NNT: variants seen among roughly 807,000 people sequenced by gnomAD.
NNT encodes the protein NAD(P) transhydrogenase, mitochondrial.
Under a neutral mutation model 104.8 loss-of-function variants are expected in NNT, and 50 were observed. That is an observed-to-expected ratio of 0.48 (90% confidence interval 0.38 to 0.60). The LOEUF is 0.60. NNT is among the 20% of genes least tolerant of loss of function. The pLI is 0.00. For missense variants in NNT, 1,131 were observed against 1,330.7 expected, an observed-to-expected ratio of 0.85 and a Z score of 2.33; for synonymous variants, 461 against 490.4, an observed-to-expected ratio of 0.94 and a Z score of 0.79.
At chr5:43,650,342 G>GT (rs1739688838) in intron 11 of NNT, 135 bp from the exon 12 acceptor site, 1 of 569,734 alleles carries the variant, frequency 1.8e-6, no homozygotes, top group Non-Finnish European at 3.1e-6. Context: ...TAATGAGGGT[G>GT]TAAGAAAGCT....
At chr5:43,644,365 T>C in intron 8 of NNT, 40 bp downstream of exon 8, 1 of 1,594,478 alleles carries the variant, frequency 6.3e-7, no homozygotes, top group Non-Finnish European at 8.5e-7. Flanking sequence ...TCACTTCTCA[T>C]GTCTTGAGTT....
At position 43,655,980 on chromosome 5, in the gene NNT, G is replaced by A; in HGVS notation, c.2200G>A (p.Ala734Thr). The change falls in exon 15 of 22, where the codon GCA becomes ACA. Residue 734 changes from alanine to threonine, a missense_variant. By Grantham distance (58) the Ala-to-Thr change is moderately conservative (BLOSUM62 0). Coordinates refer to ENST00000344920, the MANE Select transcript of NNT (RefSeq NM_182977.3). Reference sequence around the variant, plus strand: ...ATATCCACATTTTGCTACGGATGCAGCAGCAAATCTCACCAAGATTGTGGC... The same window carrying A: ...ATATCCACATTTTGCTACGGATGCAACAGCAAATCTCACCAAGATTGTGGC... The part of the protein sequence containing the change: ...IEYPHFATDA[A>T]ANLTKIVAYL... 6.2e-7 allele frequency: 1 copy of A among 1,614,222 alleles called. No individual in the cohort carries two copies. The highest frequency in any genetic ancestry group is 8.5e-7 in the Non-Finnish European group (1 of 1,180,044).
At chr5:43,654,908 C>T (rs924771024) in intron 14 of NNT, among the ~76,000 whole-genome samples, 1 of 152,158 alleles carries the variant, frequency 6.6e-6, no homozygotes, top group Admixed American at 6.5e-5. Flanking sequence ...AATGTTTGCT[C>T]TGTAGGTTCA....
chr5:43,669,509 A>G (rs1274358671), intron 17 of NNT, among the ~76,000 whole-genome samples: 2 of 152,034 alleles, frequency 1.3e-5, no homozygotes, highest in African/African-American at 4.8e-5. Context: ...GAATTTTGTC[A>G]AAGGCCTTTT....
chr5:43,693,433 T>C (rs1471795498), intron 19 of NNT, among the ~76,000 whole-genome samples: 1 of 152,240 alleles, frequency 6.6e-6, no homozygotes, highest in African/African-American at 2.4e-5. Flanking sequence ...ATTTTCTTAT[T>C]GCTGCTGTAA....
intron 19 of NNT, among the ~76,000 whole-genome samples, chr5:43,699,072 A>T (rs1225186231): frequency 2.0e-5 from 3 of 152,012 alleles, no homozygotes; most frequent in African/African-American, 7.2e-5. Context: ...TGTGCCACAC[A>T]CTGTTCTTAG....
intron 19 of NNT, among the ~76,000 whole-genome samples, chr5:43,687,496 G>A (rs756881208): frequency 6.6e-6 from 1 of 152,062 alleles, no homozygotes; most frequent in Non-Finnish European, 1.5e-5. Flanking sequence ...ATACTTTGGG[G>A]ATTAGCCTGT....
chr5:43,680,899 G>A (rs181991118), intron 19 of NNT, among the ~76,000 whole-genome samples: 10 of 152,096 alleles, frequency 6.6e-5, no homozygotes, highest in Admixed American at 4.6e-4. Flanking sequence ...CAGATATTTT[G>A]TCTTTTTCCT....
chr5:43,677,600 T>A, intron 18 of NNT, 125 bp from the exon 19 acceptor site: 2 of 804,876 alleles, frequency 2.5e-6, no homozygotes, highest in Non-Finnish European at 4.0e-6. Context: ...TTGCTTTCAT[T>A]TCTAGTCCTG....
At chr5:43,624,437 T>C (rs1750257673) in intron 6 of NNT, among the ~76,000 whole-genome samples, 1 of 152,176 alleles carries the variant, frequency 6.6e-6, no homozygotes, top group African/African-American at 2.4e-5. Context: ...TAAACAAAGA[T>C]GTTTGTGAAT....
intron 1 of NNT, among the ~76,000 whole-genome samples, chr5:43,603,833 T>A (rs1419501740): frequency 6.6e-6 from 1 of 151,552 alleles, no homozygotes; most frequent in East Asian, 1.9e-4. Flanking sequence ...CGAGCACAAA[T>A]TGTGAGTGTG....
At chr5:43,608,967 G>A (rs528239553) in intron 1 of NNT, among the ~76,000 whole-genome samples, 176 bp from the exon 2 acceptor site, 12 of 152,266 alleles carry the variant, frequency 7.9e-5, no homozygotes, top group Admixed American at 2.6e-4. Flanking sequence ...ACTGGAAAAC[G>A]AATTTTGAGC....
chr5:43,659,692 A>T (rs976304950), intron 17 of NNT, among the ~76,000 whole-genome samples: 6 of 151,922 alleles, frequency 3.9e-5, no homozygotes, highest in African/African-American at 1.5e-4. Context: ...ATGCCACTGT[A>T]CTCCAGCCTG....
intron 17 of NNT, chr5:43,667,008 G>A (rs187918316): frequency 2.4e-5 from 38 of 1,596,154 alleles, no homozygotes; most frequent in South Asian, 1.6e-4. Context: ...TGGGCTTTAC[G>A]AGGGCCTTGA....
In NNT at chr5:43,655,825, G is replaced by T; in HGVS notation, c.2060-15G>T. On this transcript the variant is annotated splice_polypyrimidine_tract_variant and intron_variant, in intron 14 of 21. Coordinates refer to ENST00000344920, the MANE Select transcript of NNT (RefSeq NM_182977.3). ...GTTTGTCAAGTTTTAATTTATTTTT[G>T]ACCTTTCATAACAGGATTGACAATT... 1.3e-6 allele frequency: 2 copies of T among 1,586,590 alleles called. No homozygotes were observed. Among genetic ancestry groups the T allele is most frequent in the South Asian group, 2.2e-5 (2 of 90,330 alleles).
intron 7 of NNT, among the ~76,000 whole-genome samples, chr5:43,640,281 G>A (rs183874420): frequency 1.8e-4 from 28 of 152,030 alleles, no homozygotes; most frequent in African/African-American, 6.5e-4. Flanking sequence ...TACAAAATCC[G>A]GACACATCTT....
At chr5:43,611,338 G>A (rs1391456491) in intron 2 of NNT, among the ~76,000 whole-genome samples, 1 of 152,066 alleles carries the variant, frequency 6.6e-6, no homozygotes, top group Non-Finnish European at 1.5e-5. Context: ...CCTTGTATGT[G>A]CTTAAATTAT....
At position 43,659,755 on chromosome 5, in the gene NNT, T is replaced by G. The variant is rs540617989; in HGVS notation, c.2634+405T>G. Among the ~76,000 whole-genome samples the G allele has an allele frequency of 2.6e-5, 4 of 152,188 alleles. No individual in the cohort carries two copies. In the East Asian group the frequency reaches 7.7e-4, roughly 29 times the overall value. On this transcript the variant is annotated intron_variant, in intron 17 of 21. Coordinates refer to ENST00000344920, the MANE Select transcript of NNT (RefSeq NM_182977.3). Reference sequence around the variant, plus strand: ...AGAAAAAAAAAAGAGTATGGTAGCTTTGAATTCTCTTCAGCAGACATAGCA... The same window carrying G: ...AGAAAAAAAAAAGAGTATGGTAGCTGTGAATTCTCTTCAGCAGACATAGCA...
At position 43,659,317 on chromosome 5, in the gene NNT, G is replaced by C. The variant is rs772461693; in HGVS notation, c.2601G>C (p.Ser867=). The C allele has an allele frequency of 6.2e-7, 1 of 1,613,488 alleles. No homozygotes were observed. Among genetic ancestry groups the C allele is most frequent in the South Asian group, 1.1e-5 (1 of 91,026 alleles). ...CCATCGTGGGTGCACTCATAGGCTC[G>C]TCTGGTGCTATCCTGTCATACATCA... The part of the protein sequence containing the change: ...LLTIVGALIG[S]SGAILSYIMC... The change falls in exon 17 of 22, where the codon TCG becomes TCC. Residue 867 remains serine, a synonymous_variant. Transcript: ENST00000344920.
Sources: allele counts gnomAD v4.1 joint callset (sites outside exome capture counted in the v4.1 genomes callset), GRCh38; gene constraint gnomAD v4.1.1; transcripts MANE v1.5; gene names NCBI Gene and HGNC (gene_info 2026-07-23, HGNC 2026-07-21).